The following OVOL2 variants were observed in gnomAD, a reference collection of about 807,000 sequenced individuals.
OVOL2 encodes ovo like zinc finger 2.
Under a neutral mutation model 18.1 loss-of-function variants are expected in OVOL2, and 13 were observed. That is an observed-to-expected ratio of 0.72 (90% CI 0.47 to 1.14). OVOL2 has a LOEUF of 1.14. Ranked by LOEUF, OVOL2 falls within the 50% of genes most tolerant of loss-of-function variation. The probability of loss-of-function intolerance (pLI) is 0.00; values close to 1 mark genes in which losing one functional copy is unlikely to be tolerated. For synonymous variants in OVOL2, 166 were observed against 162.7 expected, an observed-to-expected ratio of 1.02 and a Z score of -0.16; for missense variants, 335 against 383.0, an observed-to-expected ratio of 0.87 and a Z score of 1.05.
intron 3 of OVOL2, among the ~76,000 whole-genome samples, chr20:18,032,261 G>A (rs1205253): frequency 0.72 from 108,310 of 149,812 alleles, 39,408 homozygotes; most frequent in African/African-American, 0.82. Flanking sequence ...AAGAAGAGAG[G>A]GAAAGAAAGA....
intron 2 of OVOL2, among the ~76,000 whole-genome samples, chr20:18,045,769 A>G (rs560773275): frequency 6.2e-4 from 95 of 152,290 alleles, no homozygotes; most frequent in African/African-American, 1.8e-3. Context: ...GTGAGCCACA[A>G]TGACTTGCCA....
At chr20:18,033,987 T>C (rs1451369189) in intron 3 of OVOL2, among the ~76,000 whole-genome samples, 2 of 152,156 alleles carry the variant, frequency 1.3e-5, no homozygotes, top group Non-Finnish European at 2.9e-5. Flanking sequence ...TACACATTCA[T>C]TTCCTGGAAG....
In OVOL2 at chr20:18,056,904, C is replaced by A; in HGVS notation, c.101-27G>T. The A allele has an allele frequency of 6.8e-7, 1 of 1,473,070 alleles. No individual in the cohort carries two copies. The highest frequency in any genetic ancestry group is 2.4e-5 in the Admixed American group (1 of 41,484). The allele number at this position is 1,473,070 out of a possible 1,614,324, so 91.2% of individuals were successfully genotyped here. ...TGTGGAGGGAGGGGCCGCGCCCCGA[C>A]ACACACACTCGGCGTCAACCCGCAC... On this transcript the variant is annotated intron_variant, in intron 1 of 3. Transcript: ENST00000278780. The surrounding 1 kb of genome is among the most constrained non-coding windows in gnomAD (Gnocchi z 4.2).
chr20:18,051,423 A>C (rs1351760700), intron 2 of OVOL2, among the ~76,000 whole-genome samples: 5 of 152,154 alleles, frequency 3.3e-5, no homozygotes, highest in Non-Finnish European at 4.4e-5. Flanking sequence ...GTTAATAAAC[A>C]GAGGACAGAA....
chr20:18,026,661 G>A (rs1054436971), intron 3 of OVOL2, among the ~76,000 whole-genome samples: 8 of 152,182 alleles, frequency 5.3e-5, no homozygotes, highest in Non-Finnish European at 7.3e-5. Flanking sequence ...GATTACAGGC[G>A]TGAGCCACCG....
chr20:18,031,251 CT>C (rs2036568093), intron 3 of OVOL2, among the ~76,000 whole-genome samples: 1 of 152,176 alleles, frequency 6.6e-6, no homozygotes, highest in Admixed American at 6.5e-5. Flanking sequence ...GTTTCCTCAC[CT>C]GTCACAGGGG....
intron 3 of OVOL2, among the ~76,000 whole-genome samples, chr20:18,033,543 G>A (rs181143635): frequency 1.7e-4 from 26 of 152,230 alleles, no homozygotes; most frequent in African/African-American, 6.0e-4. Flanking sequence ...TTTTTATATT[G>A]TCTGAAATCT....
chr20:18,051,681 C>T (rs1290128071), intron 2 of OVOL2, among the ~76,000 whole-genome samples: 2 of 152,116 alleles, frequency 1.3e-5, no homozygotes, highest in Non-Finnish European at 2.9e-5. Context: ...AGTACATTAG[C>T]CTCTGGTCAC....
chr20:18,035,887 G>A (rs1230219605), intron 3 of OVOL2, among the ~76,000 whole-genome samples: 2 of 152,162 alleles, frequency 1.3e-5, no homozygotes, highest in Admixed American at 6.5e-5. Flanking sequence ...TTAACGTTTT[G>A]TAGAAGCCTC....
intron 2 of OVOL2, among the ~76,000 whole-genome samples, chr20:18,048,493 T>A (rs1879298397): frequency 1.3e-5 from 2 of 151,986 alleles, no homozygotes; most frequent in African/African-American, 4.8e-5. Context: ...TTGAGAGGTG[T>A]AGGCAGGAGG....
chr20:18,048,524 C>T (rs575023592), intron 2 of OVOL2, among the ~76,000 whole-genome samples: 1 of 152,050 alleles, frequency 6.6e-6, no homozygotes, highest in African/African-American at 2.4e-5. Flanking sequence ...GTCAGGAGTT[C>T]AAGATCAGCC....
intron 2 of OVOL2, among the ~76,000 whole-genome samples, chr20:18,052,546 G>A (rs937749371): frequency 5.9e-5 from 9 of 152,138 alleles, no homozygotes; most frequent in African/African-American, 2.2e-4. Flanking sequence ...TGGTTGTTGG[G>A]GCTGGGTGGC....
At chr20:18,038,622 C>T (rs2036641012) in intron 3 of OVOL2, among the ~76,000 whole-genome samples, 1 of 152,168 alleles carries the variant, frequency 6.6e-6, no homozygotes, top group African/African-American at 2.4e-5. Context: ...GCTGAAGGTA[C>T]CAACAGCTAG....
At chr20:18,027,505 G>A (rs1238515760) in intron 3 of OVOL2, among the ~76,000 whole-genome samples, 9 of 144,900 alleles carry the variant, frequency 6.2e-5, no homozygotes, top group Admixed American at 2.8e-4. Context: ...TCTAGCCTGC[G>A]CAACAGAGCG....
chr20:18,047,869 A>AAG (rs2036737832), intron 2 of OVOL2, among the ~76,000 whole-genome samples: 2 of 151,212 alleles, frequency 1.3e-5, no homozygotes, highest in South Asian at 2.1e-4. Flanking sequence ...AAAAAAAAAA[A>AAG]AAAAAAAAGA....
chr20:18,036,526 G>A (rs916702993), intron 3 of OVOL2, among the ~76,000 whole-genome samples: 1 of 152,144 alleles, frequency 6.6e-6, no homozygotes, highest in East Asian at 1.9e-4. Context: ...TGATAACTGC[G>A]AAACCCTTTG....
intron 3 of OVOL2, among the ~76,000 whole-genome samples, chr20:18,029,373 G>A (rs993403519): frequency 6.6e-6 from 1 of 152,162 alleles, no homozygotes; most frequent in African/African-American, 2.4e-5. Flanking sequence ...ATCTCTGGGT[G>A]TTGCCTGAGC....
intron 2 of OVOL2, among the ~76,000 whole-genome samples, chr20:18,043,802 G>C (rs1056700675): frequency 6.6e-6 from 1 of 152,152 alleles, no homozygotes; most frequent in African/African-American, 2.4e-5. Flanking sequence ...ATCTACATCT[G>C]GGTGATAAAA....
chr20:18,025,285 G>A (rs1425256121), intron 3 of OVOL2, among the ~76,000 whole-genome samples: 8 of 152,114 alleles, frequency 5.3e-5, no homozygotes, highest in Admixed American at 2.0e-4. Flanking sequence ...AAATTAATTC[G>A]GGCCAGGTGC....
Sources: gnomAD v4.1 joint callset for allele counts (sites outside exome capture counted in the v4.1 genomes callset) on GRCh38, gnomAD v4.1.1 for gene constraint, Gnocchi (gnomAD v3.1) non-coding constraint, MANE v1.5 for transcripts, NCBI Gene and HGNC (gene_info 2026-07-23, HGNC 2026-07-21) for gene names.